FHIT: variants seen among roughly 807,000 people sequenced by gnomAD.
FHIT encodes fragile histidine triad diadenosine triphosphatase.
A neutral mutation model predicts 17.9 loss-of-function variants in FHIT; 19 were observed. That is an observed-to-expected ratio of 1.06 (90% confidence interval 0.74 to 1.56). FHIT has a LOEUF of 1.56. Among genes scored for constraint, FHIT ranks in the 40% most tolerant of loss-of-function variants. The pLI, the probability that FHIT is intolerant of heterozygous loss-of-function variation, is 0.00. For missense variants in FHIT, 248 were observed against 189.2 expected, an observed-to-expected ratio of 1.31 and a Z score of -1.82; for synonymous variants, 81 against 69.7, an observed-to-expected ratio of 1.16 and a Z score of -0.81.
intron 5 of FHIT, among the ~76,000 whole-genome samples, chr3:60,321,712 G>A (rs529056510): frequency 6.6e-6 from 1 of 152,162 alleles, no homozygotes; most frequent in Non-Finnish European, 1.5e-5. Flanking sequence ...CTTAAATTGG[G>A]TGATGTATAA....
intron 5 of FHIT, among the ~76,000 whole-genome samples, chr3:60,016,564 T>G (rs1261910273): frequency 2.0e-5 from 3 of 152,190 alleles, no homozygotes; most frequent in Non-Finnish European, 4.4e-5. Flanking sequence ...GTAGCTGACC[T>G]TGAAGAGTTC....
Position 60,915,712 on chromosome 3 carries a change from T to C in FHIT, c.-110-93701A>G, listed in dbSNP as rs965577925. On this transcript the variant is annotated intron_variant, in intron 3 of 9. Transcript: ENST00000492590. Reference sequence around the variant, plus strand: ...GTGTTCTAAAAGAAACTTTTAGGTGTTCTAAAATAAAGTTATAAATGCCAT... The same window carrying C: ...GTGTTCTAAAAGAAACTTTTAGGTGCTCTAAAATAAAGTTATAAATGCCAT... Among the ~76,000 whole-genome samples, 3 of 152,230 alleles carry C rather than the reference T, an allele frequency of 2.0e-5. No individual in the cohort carries two copies. In the South Asian group the frequency reaches 6.2e-4, roughly 32 times the overall value.
intron 2 of FHIT, among the ~76,000 whole-genome samples, chr3:61,124,887 G>A (rs974468623): frequency 6.6e-6 from 1 of 152,088 alleles, no homozygotes; most frequent in African/African-American, 2.4e-5. Flanking sequence ...CCATTTGCCA[G>A]CTCCCAACAT....
intron 8 of FHIT, among the ~76,000 whole-genome samples, chr3:59,754,217 T>G (rs1701079512): frequency 6.6e-6 from 1 of 151,176 alleles, no homozygotes; most frequent in Non-Finnish European, 1.5e-5. Flanking sequence ...GGTAAGTAAG[T>G]TTGAGCCTAA....
chr3:59,941,054 G>T (rs1036301544), intron 7 of FHIT, among the ~76,000 whole-genome samples: 1 of 152,152 alleles, frequency 6.6e-6, no homozygotes, highest in East Asian at 1.9e-4. Context: ...CACCCAATAG[G>T]TATGTGTTAA....
At chr3:59,952,207 T>C (rs2107310912) in intron 7 of FHIT, among the ~76,000 whole-genome samples, 1 of 152,348 alleles carries the variant, frequency 6.6e-6, no homozygotes, top group African/African-American at 2.4e-5. Context: ...ATCGTATAAA[T>C]GATTTCACAT....
At chr3:60,223,785 T>C (rs143711205) in intron 5 of FHIT, among the ~76,000 whole-genome samples, 61 of 152,274 alleles carry the variant, frequency 4.0e-4, no homozygotes, top group African/African-American at 1.2e-3. Context: ...CCACCTACAA[T>C]AGGACCCTGG....
At chr3:60,114,693 C>A (rs954257444) in intron 5 of FHIT, among the ~76,000 whole-genome samples, 3 of 151,596 alleles carry the variant, frequency 2.0e-5, no homozygotes, top group Non-Finnish European at 4.4e-5. Context: ...GAGGTGTCAC[C>A]GTCTTTGCCA....
chr3:59,892,391 C>A (rs2107020441), intron 8 of FHIT, among the ~76,000 whole-genome samples: 1 of 152,348 alleles, frequency 6.6e-6, no homozygotes, highest in African/African-American at 2.4e-5. Context: ...TAACCATCAA[C>A]AAAGCATTTG....
chr3:60,572,767 T>C (rs913802419), intron 4 of FHIT, among the ~76,000 whole-genome samples: 17 of 152,266 alleles, frequency 1.1e-4, no homozygotes, highest in African/African-American at 3.9e-4. Context: ...ACATCATTTC[T>C]TTTGACAGCC....
intron 8 of FHIT, among the ~76,000 whole-genome samples, chr3:59,777,660 G>A (rs1283505854): frequency 6.6e-6 from 1 of 152,144 alleles, no homozygotes; most frequent in Non-Finnish European, 1.5e-5. Context: ...CCTTTTAAAA[G>A]TTAAATCAGA....
chr3:61,167,239 A>G (rs900042238), intron 2 of FHIT, among the ~76,000 whole-genome samples: 29 of 151,770 alleles, frequency 1.9e-4, no homozygotes, highest in African/African-American at 6.8e-4. Context: ...TATTAAATAT[A>G]TACTATATTT....
intron 2 of FHIT, among the ~76,000 whole-genome samples, chr3:61,090,406 T>C (rs556779122): frequency 6.6e-6 from 1 of 152,342 alleles, no homozygotes; most frequent in South Asian, 2.1e-4. Flanking sequence ...CCCAAGAGGA[T>C]TTTCCCCAAG....
At chr3:60,046,316 T>C (rs1701651333) in intron 5 of FHIT, among the ~76,000 whole-genome samples, 1 of 152,156 alleles carries the variant, frequency 6.6e-6, no homozygotes, top group Non-Finnish European at 1.5e-5. Flanking sequence ...AACAGGTGGA[T>C]TTTGAACAGA....
chr3:60,528,298 ATT>A (rs2035648757), intron 5 of FHIT, among the ~76,000 whole-genome samples: 1 of 152,148 alleles, frequency 6.6e-6, no homozygotes, highest in Admixed American at 6.6e-5. Context: ...CCAATAATGC[ATT>A]GTTAGTCATA....
chr3:60,551,874 G>C (rs913210710), intron 4 of FHIT, among the ~76,000 whole-genome samples: 1 of 151,816 alleles, frequency 6.6e-6, no homozygotes, highest in Non-Finnish European at 1.5e-5. Flanking sequence ...CACCCTTCTA[G>C]TGTACAGTTT....
chr3:60,567,310 T>C (rs1390129968), intron 4 of FHIT, among the ~76,000 whole-genome samples: 1 of 151,904 alleles, frequency 6.6e-6, no homozygotes, highest in Non-Finnish European at 1.5e-5. Context: ...ATGCCACATA[T>C]CTACAACCAT....
At chr3:60,690,856 CT>C in intron 4 of FHIT, 1 of 297,516 alleles carries the variant, frequency 3.4e-6, no homozygotes, top group Non-Finnish European at 6.5e-6. Flanking sequence ...CCTAGAGAGA[CT>C]GTTAATGCAC....
chr3:59,827,536 G>A (rs527533670), intron 8 of FHIT, among the ~76,000 whole-genome samples: 3 of 152,172 alleles, frequency 2.0e-5, no homozygotes, highest in Admixed American at 6.5e-5. Context: ...CAGATACTGC[G>A]AGCAGCTATG....
Sources: gnomAD v4.1 joint callset for allele counts (sites outside exome capture counted in the v4.1 genomes callset) on GRCh38, gnomAD v4.1.1 for gene constraint, MANE v1.5 for transcripts, NCBI Gene and HGNC (gene_info 2026-07-23, HGNC 2026-07-21) for gene names.